The following HDAC9 variants were observed in gnomAD, a reference collection of about 807,000 sequenced individuals.
HDAC9 encodes the protein histone deacetylase 9.
Under a neutral mutation model 139.4 loss-of-function variants are expected in HDAC9, and 41 were observed. That is an observed-to-expected ratio of 0.29 (90% CI 0.23 to 0.38). The LOEUF is 0.38. Among genes scored for constraint, HDAC9 ranks in the 10% least tolerant of loss-of-function variants. HDAC9 has a pLI of 1.00. For synonymous variants in HDAC9, 517 were observed against 476.2 expected (o/e 1.09, Z -1.12); for missense variants, 1,147 against 1,297.0 (o/e 0.88, Z 1.78).
chr7:18,147,869 CATTA>C (rs375918121), intron 1 of HDAC9, among the ~76,000 whole-genome samples: 22 of 151,752 alleles, frequency 1.4e-4, no homozygotes, highest in African/African-American at 5.3e-4. Context: ...TTTATTATGT[CATTA>C]ATTTACTGTA....
At chr7:18,921,329 C>T (rs955560410) in intron 22 of HDAC9, among the ~76,000 whole-genome samples, 1 of 152,050 alleles carries the variant, frequency 6.6e-6, no homozygotes, top group South Asian at 2.1e-4. Flanking sequence ...TTGCAACCTG[C>T]TTATCTGACA....
chr7:18,872,195 T>G (rs918903023), intron 21 of HDAC9, among the ~76,000 whole-genome samples: 2 of 152,180 alleles, frequency 1.3e-5, no homozygotes, highest in African/African-American at 4.8e-5. Context: ...TGATGTATCC[T>G]TTTTCTAAAT....
chr7:18,798,498 T>G (rs1456186344), intron 17 of HDAC9, among the ~76,000 whole-genome samples: 1 of 152,150 alleles, frequency 6.6e-6, no homozygotes, highest in Non-Finnish European at 1.5e-5. Context: ...AATCACAGCC[T>G]GCATTCTTAG....
intron 1 of HDAC9, among the ~76,000 whole-genome samples, chr7:18,440,178 C>CT (rs369847612): frequency 0.032 from 4,518 of 142,746 alleles, 87 homozygotes; most frequent in African/African-American, 0.056. Context: ...AGGTTTACCT[C>CT]TTTTTTTTTT....
chr7:18,993,176 A>C (rs1786136993), intron 25 of HDAC9, among the ~76,000 whole-genome samples: 2 of 84,218 alleles, frequency 2.4e-5, no homozygotes, highest in Non-Finnish European at 5.3e-5. Flanking sequence ...ACCTCTACTG[A>C]GAGCTAGGGC....
At chr7:18,375,433 C>T (rs768096367) in intron 1 of HDAC9, among the ~76,000 whole-genome samples, 21 of 152,080 alleles carry the variant, frequency 1.4e-4, no homozygotes, top group Non-Finnish European at 2.6e-4. Flanking sequence ...CACGCCACTG[C>T]GCTCCAGCCT....
chr7:18,583,435 G>A (rs1043737515), intron 2 of HDAC9, among the ~76,000 whole-genome samples: 2 of 152,090 alleles, frequency 1.3e-5, no homozygotes, highest in Admixed American at 6.5e-5. Context: ...TAAAGCTTTT[G>A]AAGAGCCTGG....
intron 3 of HDAC9, among the ~76,000 whole-genome samples, chr7:18,588,743 A>G (rs1830125711): frequency 6.6e-6 from 1 of 152,092 alleles, no homozygotes. Context: ...TGTGAAAAAA[A>G]TATATTGCAG....
chr7:18,754,936 C>T (rs978083927), intron 14 of HDAC9, among the ~76,000 whole-genome samples: 4 of 152,092 alleles, frequency 2.6e-5, no homozygotes, highest in African/African-American at 7.2e-5. Flanking sequence ...CTGCAAAGCG[C>T]TGAAAACTGC....
At chr7:18,589,079 T>C (rs562396065) in intron 3 of HDAC9, among the ~76,000 whole-genome samples, 23 of 152,284 alleles carry the variant, frequency 1.5e-4, no homozygotes, top group Admixed American at 3.9e-4. Context: ...CCGAGTAGTT[T>C]AGTAACTTGT....
intron 22 of HDAC9, among the ~76,000 whole-genome samples, chr7:18,933,855 A>G (rs185431895): frequency 6.6e-6 from 1 of 152,300 alleles, no homozygotes. Context: ...GGAATTCTAG[A>G]GTTAAATAAT....
rs114144181 is a variant in HDAC9 at position 18,760,749 on chromosome 7, A to T, written c.2044-1408A>T. Among the ~76,000 whole-genome samples the T allele has an allele frequency of 2.9e-3, 446 of 152,170 alleles. 2 individuals are homozygous for T. The highest frequency in any genetic ancestry group is 9.9e-3 in the African/African-American group (409 of 41,508). On this transcript the variant is annotated intron_variant, in intron 14 of 25. Transcript: ENST00000686413. Reference sequence around the variant, plus strand: ...TGCAGACCCCCACCAATCCTCCCTCACTGTGACCTGATCATTTATTTTCAG... The same window carrying T: ...TGCAGACCCCCACCAATCCTCCCTCTCTGTGACCTGATCATTTATTTTCAG...
intron 2 of HDAC9, among the ~76,000 whole-genome samples, chr7:18,245,273 G>T (rs1294390583): frequency 6.6e-6 from 1 of 152,166 alleles, no homozygotes. Flanking sequence ...TCCCCTTGTG[G>T]TATCGTCACA....
Position 18,957,869 on chromosome 7 carries a change from G to T in HDAC9, c.3022+3639G>T, listed in dbSNP as rs191899434. The stretch of plus-strand genomic sequence containing the variant: ...TTCTGAAGGGTTCTTTTGTGCTGCA[G>T]TTTGCAACGACAGTATCAGAAAACT... On this transcript the variant is annotated intron_variant, in intron 24 of 25. Transcript: ENST00000686413. Among the ~76,000 whole-genome samples, 122 of 152,230 alleles carry T rather than the reference G, an allele frequency of 8.0e-4. 2 individuals are homozygous for T. Among genetic ancestry groups the T allele is most frequent in the African/African-American group, 2.8e-3 (117 of 41,548 alleles).
intron 15 of HDAC9, among the ~76,000 whole-genome samples, chr7:18,763,380 A>G (rs992409266): frequency 1.2e-4 from 18 of 152,212 alleles, no homozygotes; most frequent in African/African-American, 4.3e-4. Context: ...GTGTAGCAGT[A>G]TAGGTAGCAG....
At chr7:18,939,934 G>A (rs1038679403) in intron 23 of HDAC9, among the ~76,000 whole-genome samples, 79 of 152,226 alleles carry the variant, frequency 5.2e-4, no homozygotes, top group African/African-American at 1.7e-3. Context: ...GGTCAAGAGG[G>A]GCCTTTCTGA....
chr7:18,796,107 G>A (rs1247029712), intron 17 of HDAC9, among the ~76,000 whole-genome samples: 1 of 152,118 alleles, frequency 6.6e-6, no homozygotes. Context: ...CATCGTATGA[G>A]ATTGCACTAA....
chr7:18,102,195 A>G (rs1422766569), intron 1 of HDAC9, among the ~76,000 whole-genome samples: 1 of 152,216 alleles, frequency 6.6e-6, no homozygotes, highest in Non-Finnish European at 1.5e-5. Context: ...TTACTTCAAG[A>G]GTTTTCTGGC....
At chr7:18,825,125 G>C (rs556949447) in intron 17 of HDAC9, among the ~76,000 whole-genome samples, 1 of 152,148 alleles carries the variant, frequency 6.6e-6, no homozygotes, top group Non-Finnish European at 1.5e-5. Context: ...AAGTGATATT[G>C]AGTACATGGG....
Sources: allele counts gnomAD v4.1 joint callset (sites outside exome capture counted in the v4.1 genomes callset), GRCh38; gene constraint gnomAD v4.1.1; transcripts MANE v1.5; gene names NCBI Gene and HGNC (gene_info 2026-07-23, HGNC 2026-07-21).